The following QTMAN variants were observed in gnomAD, a reference collection of about 807,000 sequenced individuals.
The protein encoded by QTMAN is queuosine-tRNA mannosyltransferase.
the QTMAN span, among the ~76,000 whole-genome samples, chr2:144,140,952 G>A: frequency 6.6e-6 from 1 of 152,104 alleles, no homozygotes; most frequent in South Asian, 2.1e-4. Context: ...CAGCAATGGG[G>A]TGCAGATGAG....
chr2:144,080,984 G>A, the QTMAN span, among the ~76,000 whole-genome samples: 1 of 152,126 alleles, frequency 6.6e-6, no homozygotes, highest in Non-Finnish European at 1.5e-5. Flanking sequence ...GGGATTGCCT[G>A]TTGTTAGCAA....
chr2:143,977,806 ACATT>A, the QTMAN span, among the ~76,000 whole-genome samples: 1 of 152,208 alleles, frequency 6.6e-6, no homozygotes, highest in Non-Finnish European at 1.5e-5. Context: ...TGCCATCTGC[ACATT>A]CATATTCTCA....
the QTMAN span, among the ~76,000 whole-genome samples, chr2:144,222,795 G>T: frequency 5.9e-5 from 9 of 152,032 alleles, no homozygotes; most frequent in Admixed American, 5.2e-4. Context: ...GCGACAGAGC[G>T]AGACTCTGTC....
the QTMAN span, among the ~76,000 whole-genome samples, chr2:144,213,361 C>T: frequency 6.6e-6 from 1 of 152,042 alleles, no homozygotes; most frequent in Non-Finnish European, 1.5e-5. Context: ...TAAAAATCTG[C>T]AATATGCCAG....
chr2:144,222,667 G>C, the QTMAN span, among the ~76,000 whole-genome samples: 1 of 151,954 alleles, frequency 6.6e-6, no homozygotes, highest in African/African-American at 2.4e-5. Flanking sequence ...AATTAGCCAG[G>C]CATGGTGGCA....
the QTMAN span, among the ~76,000 whole-genome samples, chr2:144,089,024 C>T: frequency 6.6e-6 from 1 of 152,008 alleles, no homozygotes; most frequent in Non-Finnish European, 1.5e-5. Context: ...TGTGAAGAGA[C>T]AACCTGTTGA....
the QTMAN span, among the ~76,000 whole-genome samples, chr2:144,104,688 A>G: frequency 6.6e-6 from 1 of 152,364 alleles, no homozygotes; most frequent in African/African-American, 2.4e-5. Flanking sequence ...GGGGCAGGGC[A>G]TAGCCAAACA....
At chr2:144,170,196 C>T in the QTMAN span, among the ~76,000 whole-genome samples, 2 of 152,104 alleles carry the variant, frequency 1.3e-5, no homozygotes, top group Non-Finnish European at 2.9e-5. Flanking sequence ...TGTTACTTTC[C>T]AATTACCATA....
chr2:144,018,693 T>A, the QTMAN span, among the ~76,000 whole-genome samples: 1 of 149,684 alleles, frequency 6.7e-6, no homozygotes, highest in Non-Finnish European at 1.5e-5. Context: ...AAACACTGAG[T>A]GAAAAAGGTT....
the QTMAN span, among the ~76,000 whole-genome samples, chr2:144,280,205 T>C: frequency 2.6e-5 from 4 of 152,168 alleles, no homozygotes; most frequent in African/African-American, 9.7e-5. Context: ...AGACAACACA[T>C]ACCCAAAGAT....
chr2:144,035,455 A>G, the QTMAN span, among the ~76,000 whole-genome samples: 2 of 152,252 alleles, frequency 1.3e-5, no homozygotes, highest in Non-Finnish European at 2.9e-5. Context: ...TGCATGAGAT[A>G]GCACTCATTT....
At chr2:144,200,980 C>T in the QTMAN span, among the ~76,000 whole-genome samples, 2 of 152,102 alleles carry the variant, frequency 1.3e-5, no homozygotes, top group Non-Finnish European at 2.9e-5. Flanking sequence ...CTCATTCCTT[C>T]GACCACATTT....
At chr2:144,212,464 AAAC>A in the QTMAN span, among the ~76,000 whole-genome samples, 2 of 152,172 alleles carry the variant, frequency 1.3e-5, no homozygotes, top group Admixed American at 6.5e-5. Flanking sequence ...CTCCATCTCA[AAAC>A]AACAACAAGA....
chr2:144,016,068 T>C, the QTMAN span, among the ~76,000 whole-genome samples: 1 of 152,164 alleles, frequency 6.6e-6, no homozygotes, highest in East Asian at 1.9e-4. Context: ...CATTCCCTAG[T>C]CAGTCAGTGA....
the QTMAN span, among the ~76,000 whole-genome samples, chr2:143,993,507 T>G: frequency 1.4e-4 from 22 of 152,050 alleles, no homozygotes; most frequent in Non-Finnish European, 2.9e-4. Context: ...ATTGCATGTA[T>G]TCTTATAAGA....
the QTMAN span, among the ~76,000 whole-genome samples, chr2:144,039,359 T>G: frequency 5.3e-5 from 8 of 152,084 alleles, no homozygotes; most frequent in Admixed American, 2.0e-4. Flanking sequence ...TAGGGAACAC[T>G]GCTCTAGGAA....
At chr2:144,199,859 T>C in the QTMAN span, among the ~76,000 whole-genome samples, 2 of 152,126 alleles carry the variant, frequency 1.3e-5, no homozygotes, top group Admixed American at 6.6e-5. Context: ...AAAATAATAT[T>C]ACATACTCAA....
chr2:143,983,200 TA>T, the QTMAN span, among the ~76,000 whole-genome samples: 1 of 152,196 alleles, frequency 6.6e-6, no homozygotes, highest in African/African-American at 2.4e-5. Flanking sequence ...TGTAGCAATC[TA>T]ATAACATTCA....
chr2:143,940,678 G>A, the QTMAN span: 1 of 152,280 alleles, frequency 6.6e-6, no homozygotes, highest in African/African-American at 2.4e-5. Flanking sequence ...AGCAGGCCCA[G>A]TGATGCACAG....
Sources: gnomAD v4.1 joint callset for allele counts (sites outside exome capture counted in the v4.1 genomes callset) on GRCh38, gnomAD v4.1.1 for gene constraint, MANE v1.5 for transcripts, NCBI Gene and HGNC (gene_info 2026-07-23, HGNC 2026-07-21) for gene names.